The following ARHGEF10L variants were observed in gnomAD, a reference collection of about 807,000 sequenced individuals.
ARHGEF10L encodes the protein Rho guanine nucleotide exchange factor 10 like.
A neutral mutation model predicts 141.2 loss-of-function variants in ARHGEF10L; 69 were observed. The ratio of observed to expected loss-of-function variants is 0.49; its 90% CI spans 0.40 to 0.60. ARHGEF10L has a LOEUF of 0.60. Among genes scored for constraint, ARHGEF10L ranks in the 20% least tolerant of loss-of-function variants. The pLI is 0.00. For missense variants in ARHGEF10L, 1,482 were observed against 1,734.3 expected (o/e 0.85, Z 2.58); for synonymous variants, 711 against 718.5 (o/e 0.99, Z 0.17).
intron 20 of ARHGEF10L, 36 bp from the exon 21 acceptor site, chr1:17,640,166 G>A (rs766741936): frequency 1.2e-4 from 190 of 1,591,610 alleles, no homozygotes; most frequent in Non-Finnish European, 1.5e-4. Context: ...CCTTGTGTGG[G>A]TACTCACACA....
At chr1:17,622,337 G>A (rs1336737022) in intron 11 of ARHGEF10L, among the ~76,000 whole-genome samples, 1 of 152,150 alleles carries the variant, frequency 6.6e-6, no homozygotes, top group African/African-American at 2.4e-5. Context: ...GCATCGAGAG[G>A]AGTAGGATCG....
intron 1 of ARHGEF10L, among the ~76,000 whole-genome samples, chr1:17,560,801 G>C (rs1203448363): frequency 6.6e-6 from 1 of 152,162 alleles, no homozygotes; most frequent in Non-Finnish European, 1.5e-5. Context: ...CTGATCTCAG[G>C]TGATCTGCCC....
intron 1 of ARHGEF10L, among the ~76,000 whole-genome samples, chr1:17,575,012 C>G (rs1054386827): frequency 2.0e-5 from 3 of 152,230 alleles, no homozygotes; most frequent in Non-Finnish European, 2.9e-5. Flanking sequence ...AGGGATGTCC[C>G]AGCCTCATGG....
intron 4 of ARHGEF10L, among the ~76,000 whole-genome samples, chr1:17,601,003 T>G (rs1348527663): frequency 7.2e-6 from 1 of 138,476 alleles, no homozygotes; most frequent in Non-Finnish European, 1.5e-5. Context: ...TGAGCCGAGA[T>G]CGCACCACCG....
chr1:17,662,007 T>C (rs527259288), intron 25 of ARHGEF10L, among the ~76,000 whole-genome samples: 9 of 152,224 alleles, frequency 5.9e-5, no homozygotes, highest in Non-Finnish European at 1.2e-4. Flanking sequence ...CTTAGCTCCA[T>C]GGGTCGCCGT....
chr1:17,615,919 C>T lies in ARHGEF10L; in HGVS notation c.727-175C>T. The T allele has an allele frequency of 9.9e-6, 6 of 604,168 alleles. No homozygotes were observed. The South Asian group carries it at 1.2e-4, about 12-fold the overall frequency. The allele number at this position is 604,168 out of a possible 1,614,324, so 37.4% of individuals were successfully genotyped here. A position where few individuals can be genotyped will look rare whatever the true frequency, so the allele number is the denominator to read the frequency against. On this transcript the variant is annotated intron_variant, in intron 8 of 28. Transcript: ENST00000361221. The surrounding 1 kb of genome is among the most constrained non-coding windows in gnomAD (Gnocchi z 4.7). ...GCCCCTAAAGAGGGAGATCCCCGGG[C>T]ATGAACGCACCTTCTCACCCCCACT... is the stretch of plus-strand genomic sequence containing the variant.
At chr1:17,675,227 A>G (rs1191861418) in intron 26 of ARHGEF10L, among the ~76,000 whole-genome samples, 2 of 152,172 alleles carry the variant, frequency 1.3e-5, no homozygotes, top group Non-Finnish European at 1.5e-5. Context: ...ACATGTGGAA[A>G]CAGAACCACC....
At chr1:17,590,604 C>T (rs1243388986) in intron 4 of ARHGEF10L, among the ~76,000 whole-genome samples, 2 of 152,032 alleles carry the variant, frequency 1.3e-5, no homozygotes, top group Non-Finnish European at 2.9e-5. Context: ...GTGGCAGGCA[C>T]GGGGTGAGTG....
intron 26 of ARHGEF10L, among the ~76,000 whole-genome samples, chr1:17,679,167 C>T (rs2063918049): frequency 6.6e-6 from 1 of 152,160 alleles, no homozygotes; most frequent in African/African-American, 2.4e-5. Flanking sequence ...GACCTCACAC[C>T]CACCTTACAG....
the ARHGEF10L span, among the ~76,000 whole-genome samples, chr1:17,532,230 C>T: frequency 6.6e-6 from 1 of 152,190 alleles, no homozygotes; most frequent in Admixed American, 6.5e-5. Flanking sequence ...GCCCTCGGCC[C>T]TGTCTGCTGT....
At chr1:17,601,472 G>A (rs2080676026) in intron 4 of ARHGEF10L, among the ~76,000 whole-genome samples, 1 of 152,136 alleles carries the variant, frequency 6.6e-6, no homozygotes, top group Non-Finnish European at 1.5e-5. Flanking sequence ...TTTTGATGGA[G>A]TGTTGTTTTG....
intron 2 of ARHGEF10L, among the ~76,000 whole-genome samples, chr1:17,582,055 A>G (rs2078617119): frequency 6.6e-6 from 1 of 152,116 alleles, no homozygotes; most frequent in African/African-American, 2.4e-5. Flanking sequence ...GCAGGCTATT[A>G]GGAAGGGCTT....
intron 1 of ARHGEF10L, among the ~76,000 whole-genome samples, chr1:17,541,594 G>A (rs2076729998): frequency 6.6e-6 from 1 of 152,128 alleles, no homozygotes; most frequent in Admixed American, 6.5e-5. Flanking sequence ...ACTTTGGGAG[G>A]CCAAGTTGGG....
At chr1:17,647,009 T>C (rs1234963187) in intron 21 of ARHGEF10L, among the ~76,000 whole-genome samples, 1 of 151,936 alleles carries the variant, frequency 6.6e-6, no homozygotes, top group Non-Finnish European at 1.5e-5. Flanking sequence ...CAAAGATGAC[T>C]GTAGTGTCAG....
At chr1:17,570,653 G>A (rs766769153) in intron 1 of ARHGEF10L, among the ~76,000 whole-genome samples, 1 of 152,090 alleles carries the variant, frequency 6.6e-6, no homozygotes. Flanking sequence ...GAACTTGGCC[G>A]CTGTGCTGAG....
At chr1:17,517,308 A>G in the ARHGEF10L span, among the ~76,000 whole-genome samples, 3 of 152,136 alleles carry the variant, frequency 2.0e-5, no homozygotes, top group African/African-American at 7.2e-5. Flanking sequence ...ATATGAAATT[A>G]TGTATGGAGA....
the ARHGEF10L span, among the ~76,000 whole-genome samples, chr1:17,523,084 A>AG: frequency 1.7e-5 from 2 of 115,472 alleles, no homozygotes; most frequent in African/African-American, 6.6e-5. Context: ...TTTGTTTTCC[A>AG]TTTTTTTTTT....
intron 22 of ARHGEF10L, among the ~76,000 whole-genome samples, chr1:17,649,525 TATGAGTTC>T (rs2061791882): frequency 6.6e-6 from 1 of 152,206 alleles, no homozygotes; most frequent in Admixed American, 6.5e-5. Flanking sequence ...ATCCTTGAGA[TATGAGTTC>T]ATTTGTTCAC....
intron 21 of ARHGEF10L, among the ~76,000 whole-genome samples, chr1:17,643,730 G>A (rs1049484686): frequency 6.6e-6 from 1 of 152,166 alleles, no homozygotes; most frequent in African/African-American, 2.4e-5. Context: ...AAAATGTGGG[G>A]AGATGGTGCA....
Sources: allele counts gnomAD v4.1 joint callset (sites outside exome capture counted in the v4.1 genomes callset), GRCh38; gene constraint gnomAD v4.1.1; non-coding constraint Gnocchi (gnomAD v3.1); transcripts MANE v1.5; gene names NCBI Gene and HGNC (gene_info 2026-07-23, HGNC 2026-07-21).